The following CDC123 variants were observed in gnomAD, a reference collection of about 807,000 sequenced individuals.
The protein encoded by CDC123 is translation initiation factor eIF2 assembly protein.
Under a neutral mutation model 54.4 loss-of-function variants are expected in CDC123, and 37 were observed. That is an observed-to-expected ratio of 0.68 (90% CI 0.52 to 0.89). The LOEUF (loss-of-function observed/expected upper bound fraction) is 0.89. Ranked by LOEUF, CDC123 falls within the 40% of genes least tolerant of loss-of-function variation. CDC123 has a pLI of 0.00. For synonymous variants in CDC123, 144 were observed against 136.8 expected (o/e 1.05, Z -0.37); for missense variants, 361 against 412.1 (o/e 0.88, Z 1.07).
At chr10:12,248,917 C>G (rs1024416893) in intron 11 of CDC123, among the ~76,000 whole-genome samples, 2 of 152,128 alleles carry the variant, frequency 1.3e-5, no homozygotes, top group Non-Finnish European at 2.9e-5. Flanking sequence ...TGAGACCAGC[C>G]TGGCCAACAT....
chr10:12,246,028 C>T (rs1448556554), intron 10 of CDC123, 121 bp from the exon 11 acceptor site: 15 of 1,048,676 alleles, frequency 1.4e-5, no homozygotes, highest in Admixed American at 4.2e-5. Context: ...CGTGATCACA[C>T]CAGTGCACTG....
chr10:12,230,905 CAG>C, intron 6 of CDC123, 41 bp from the exon 7 acceptor site: 1 of 1,579,362 alleles, frequency 6.3e-7, no homozygotes, highest in Non-Finnish European at 8.7e-7. Context: ...AAACTGGCAC[CAG>C]TAACAAAAAG....
intron 6 of CDC123, among the ~76,000 whole-genome samples, chr10:12,225,508 C>G (rs1415743067): frequency 6.7e-6 from 1 of 150,208 alleles, no homozygotes; most frequent in East Asian, 1.9e-4. Flanking sequence ...ATTCCACTCT[C>G]TCATTTTCAA....
At chr10:12,221,744 A>G (rs186091883) in intron 6 of CDC123, among the ~76,000 whole-genome samples, 14 of 148,150 alleles carry the variant, frequency 9.4e-5, no homozygotes, top group African/African-American at 3.5e-4. Flanking sequence ...TCATTTATTA[A>G]ATTTATTTTT....
chr10:12,237,951 T>C (rs1836001602), intron 9 of CDC123, among the ~76,000 whole-genome samples: 1 of 152,246 alleles, frequency 6.6e-6, no homozygotes, highest in African/African-American at 2.4e-5. Context: ...TGTAAGAGTT[T>C]TCATACATCT....
intron 9 of CDC123, among the ~76,000 whole-genome samples, chr10:12,238,113 C>A (rs1836003537): frequency 6.6e-6 from 1 of 152,216 alleles, no homozygotes; most frequent in South Asian, 2.1e-4. Flanking sequence ...TCTACCAGAT[C>A]AGTGATTGAT....
At position 12,210,421 on chromosome 10, in the gene CDC123, G is replaced by T. The variant is rs1392189303; in HGVS notation, c.237+99G>T. On this transcript the variant is annotated intron_variant, in intron 4 of 12. Transcript: ENST00000281141. ...CATACCTCTCTTAAATTCCTAGTCA[G>T]TCACCATCTCATATATTATTTTCCC... is the stretch of plus-strand genomic sequence containing the variant. The T allele has an allele frequency of 2.9e-6, 4 of 1,388,254 alleles. No individual in the cohort carries two copies. In the South Asian group the frequency reaches 5.4e-5, roughly 19 times the overall value. The allele number at this position is 1,388,254 out of a possible 1,614,324, so 86.0% of individuals were successfully genotyped here.
At chr10:12,229,088 C>T (rs1835865269) in intron 6 of CDC123, among the ~76,000 whole-genome samples, 1 of 152,094 alleles carries the variant, frequency 6.6e-6, no homozygotes, top group South Asian at 2.1e-4. Context: ...GTGTCCACTC[C>T]CATTCCCTTA....
chr10:12,250,193 T>C, intron 12 of CDC123, 118 bp from the exon 13 acceptor site: 1 of 594,000 alleles, frequency 1.7e-6, no homozygotes, highest in South Asian at 2.7e-5. Context: ...TAAAGCATGG[T>C]TTTCCATGAC....
At chr10:12,231,063 G>C in intron 7 of CDC123, 67 bp downstream of exon 7, 1 of 1,391,564 alleles carries the variant, frequency 7.2e-7, no homozygotes, top group Non-Finnish European at 9.9e-7. Flanking sequence ...TTATTCTTAA[G>C]TGAAATGAAA....
chr10:12,220,346 G>A (rs1295445239), intron 6 of CDC123, among the ~76,000 whole-genome samples: 1 of 152,176 alleles, frequency 6.6e-6, no homozygotes, highest in African/African-American at 2.4e-5. Context: ...ATGAATAATA[G>A]TCTGTTGTTT....
chr10:12,225,842 G>A (rs1266275708), intron 6 of CDC123, among the ~76,000 whole-genome samples: 1 of 148,318 alleles, frequency 6.7e-6, no homozygotes, highest in African/African-American at 2.5e-5. Context: ...GACAATAGTG[G>A]AGGGAAGGTA....
At chr10:12,211,571 A>T (rs892594792) in intron 4 of CDC123, among the ~76,000 whole-genome samples, 16 of 152,236 alleles carry the variant, frequency 1.1e-4, no homozygotes, top group African/African-American at 3.6e-4. Flanking sequence ...AATGTTACTT[A>T]TCTGCCATAC....
intron 11 of CDC123, 92 bp downstream of exon 11, chr10:12,246,369 C>CA: frequency 7.0e-7 from 1 of 1,437,684 alleles, no homozygotes; most frequent in Non-Finnish European, 9.6e-7. Flanking sequence ...CGGCAATGGC[C>CA]AGGACCCTTG....
In CDC123 at chr10:12,198,451, A is replaced by C. The variant is rs139536524; in HGVS notation, c.75-254A>C. 5.6e-4 allele frequency among the ~76,000 whole-genome samples: 85 copies of C among 152,334 alleles called. 1 individual carries two copies. The highest frequency in any genetic ancestry group is 1.8e-3 in the African/African-American group (74 of 41,582). ...GAATCCTTTTGAGCTTGTTGCTTTC[A>C]TACTGTGATTTCCATCTGGTGGTTT... On this transcript the variant is annotated intron_variant, in intron 1 of 12. Coordinates refer to ENST00000281141, the MANE Select transcript of CDC123 (RefSeq NM_006023.3).
At chr10:12,249,812 C>T (rs1836216522) in intron 12 of CDC123, 94 bp downstream of exon 12, 4 of 1,456,306 alleles carry the variant, frequency 2.7e-6, no homozygotes, top group Non-Finnish European at 3.7e-6. Context: ...CCTGTATCAC[C>T]TAGACTTTGA....
At chr10:12,205,952 C>G in intron 2 of CDC123, among the ~76,000 whole-genome samples, 1 of 151,140 alleles carries the variant, frequency 6.6e-6, no homozygotes, top group African/African-American at 2.4e-5. Flanking sequence ...GTGCCTGCGA[C>G]CACGCCCAGC....
intron 9 of CDC123, 99 bp from the exon 10 acceptor site, chr10:12,238,358 T>C: frequency 1.5e-6 from 2 of 1,359,190 alleles, no homozygotes; most frequent in Non-Finnish European, 2.0e-6. Context: ...GTCATTTATA[T>C]TCTGCTGTCT....
At chr10:12,210,201 AT>A in intron 3 of CDC123, 88 bp from the exon 4 acceptor site, 2 of 1,525,308 alleles carry the variant, frequency 1.3e-6, no homozygotes, top group Non-Finnish European at 1.8e-6. Flanking sequence ...CTCCTGTTTG[AT>A]TTATAATTTT....
Sources: gnomAD v4.1 joint callset for allele counts (sites outside exome capture counted in the v4.1 genomes callset) on GRCh38, gnomAD v4.1.1 for gene constraint, MANE v1.5 for transcripts, NCBI Gene and HGNC (gene_info 2026-07-23, HGNC 2026-07-21) for gene names.